DMTF1: variants seen among roughly 807,000 people sequenced by gnomAD.
DMTF1 encodes cyclin-D-binding Myb-like transcription factor 1.
A neutral mutation model predicts 91.1 loss-of-function variants in DMTF1; 39 were observed. That is an observed-to-expected ratio of 0.43 (90% CI 0.33 to 0.56). The LOEUF (loss-of-function observed/expected upper bound fraction) is 0.56. Ranked by LOEUF, DMTF1 falls within the 20% of genes least tolerant of loss-of-function variation. The pLI is 0.05. For missense variants in DMTF1, 750 were observed against 914.5 expected, an observed-to-expected ratio of 0.82 and a Z score of 2.32; for synonymous variants, 338 against 309.5, an observed-to-expected ratio of 1.09 and a Z score of -0.97.
In DMTF1 at chr7:87,158,102, A is replaced by C. The variant is rs549241212; in HGVS notation, c.-131-5393A>C. Among the ~76,000 whole-genome samples, 790 of 152,202 alleles carry C rather than the reference A, an allele frequency of 5.2e-3. 4 individuals are homozygous for C. The highest frequency in any genetic ancestry group is 0.018 in the African/African-American group (766 of 41,560). ...CAACTTTTGTGGCCCAGAAGTATATACAAATTTTGAAGTTTGGCAGAAGGT... is the reference window on the plus strand; with the variant it reads ...CAACTTTTGTGGCCCAGAAGTATATCCAAATTTTGAAGTTTGGCAGAAGGT... On this transcript the variant is annotated intron_variant, in intron 1 of 17. Coordinates refer to ENST00000331242, the MANE Select transcript of DMTF1 (RefSeq NM_001142327.2).
At chr7:87,174,226 C>A (rs1795739948) in intron 6 of DMTF1, among the ~76,000 whole-genome samples, 1 of 152,116 alleles carries the variant, frequency 6.6e-6, no homozygotes, top group Admixed American at 6.5e-5. Flanking sequence ...TGTATGTGTT[C>A]TTTTTGCCCA....
intron 12 of DMTF1, chr7:87,187,716 A>G (rs896021243): frequency 1.3e-4 from 30 of 230,972 alleles, no homozygotes; most frequent in South Asian, 3.0e-4. Context: ...CGGGGAAAAC[A>G]TACACTATTC....
chr7:87,172,276 TA>T (rs1795245220), intron 5 of DMTF1, among the ~76,000 whole-genome samples: 2 of 152,180 alleles, frequency 1.3e-5, no homozygotes, highest in African/African-American at 4.8e-5. Context: ...CCTCTTGATT[TA>T]AAAAATCAAA....
At chr7:87,172,621 C>G (rs756255431) in intron 5 of DMTF1, among the ~76,000 whole-genome samples, 1 of 107,264 alleles carries the variant, frequency 9.3e-6, no homozygotes, top group Non-Finnish European at 2.0e-5. Flanking sequence ...TACCTTCAGC[C>G]GGTGACATTG....
At chr7:87,156,223 A>G (rs1159480548) in intron 1 of DMTF1, among the ~76,000 whole-genome samples, 1 of 152,210 alleles carries the variant, frequency 6.6e-6, no homozygotes, top group Admixed American at 6.5e-5. Flanking sequence ...TTTTTGAATA[A>G]GCAATATAGT....
In DMTF1 at chr7:87,160,607, C is replaced by T. The variant is rs571308086; in HGVS notation, c.-131-2888C>T. ...TTTCTTTTCTTCCCTACTTCTAATT[C>T]TGTACATACTTCAGTAAGGCTTCTG... On this transcript the variant is annotated intron_variant, in intron 1 of 17. Transcript: ENST00000331242. Among the ~76,000 whole-genome samples, 43 of 152,228 alleles carry T rather than the reference C, an allele frequency of 2.8e-4. No homozygotes were observed. The South Asian group carries it at 6.6e-3, about 23-fold the overall frequency.
chr7:87,157,077 A>G (rs1030440672), intron 1 of DMTF1, among the ~76,000 whole-genome samples: 2 of 149,822 alleles, frequency 1.3e-5, no homozygotes, highest in African/African-American at 2.5e-5. Flanking sequence ...CAAATCACAT[A>G]GAAAGAACAT....
At chr7:87,193,112 T>A (rs1015486214) in intron 14 of DMTF1, 86 bp from the exon 15 acceptor site, 17 of 1,419,248 alleles carry the variant, frequency 1.2e-5, no homozygotes, top group Non-Finnish European at 1.7e-5. Flanking sequence ...GTAAGTACAT[T>A]TGTGTCTAGT....
At chr7:87,161,061 T>G (rs1792231708) in intron 1 of DMTF1, among the ~76,000 whole-genome samples, 1 of 152,074 alleles carries the variant, frequency 6.6e-6, no homozygotes, top group Non-Finnish European at 1.5e-5. Context: ...ATACTAATAT[T>G]AATAAAAATA....
At chr7:87,162,529 G>C (rs1170836756) in intron 1 of DMTF1, among the ~76,000 whole-genome samples, 1 of 152,118 alleles carries the variant, frequency 6.6e-6, no homozygotes, top group African/African-American at 2.4e-5. Flanking sequence ...CAAAGAGTAT[G>C]AAAAATCGTT....
chr7:87,158,396 A>G (rs1791352003), intron 1 of DMTF1, among the ~76,000 whole-genome samples: 1 of 152,074 alleles, frequency 6.6e-6, no homozygotes, highest in African/African-American at 2.4e-5. Context: ...TTTAAATGGC[A>G]TCTAACAAAA....
At chr7:87,189,185 C>G (rs1351527124) in intron 13 of DMTF1, among the ~76,000 whole-genome samples, 1 of 152,088 alleles carries the variant, frequency 6.6e-6, no homozygotes, top group East Asian at 1.9e-4. Flanking sequence ...TGCATGTTTC[C>G]AAATATACCA....
chr7:87,164,235 A>T (rs989413149), intron 2 of DMTF1: 2 of 152,152 alleles, frequency 1.3e-5, no homozygotes, highest in Admixed American at 1.3e-4. Context: ...TTATAGTTTC[A>T]TACCTTTCCC....
rs1793827457 is a variant in DMTF1, at chr7:87,166,376, T to G, written c.110-107T>G. ...ACTAGGTTTAGTTAAATGAGCAAAT[T>G]GGTAAGAAAATTTTTTTAATAGATA... On this transcript the variant is annotated intron_variant, in intron 3 of 17. Transcript: ENST00000331242. The G allele has an allele frequency of 6.0e-6, 7 of 1,175,836 alleles. No homozygotes were observed. In the South Asian group the frequency reaches 1.1e-4, roughly 18 times the overall value. The allele number at this position is 1,175,836 out of a possible 1,614,324, so 72.8% of individuals were successfully genotyped here. A position where few individuals can be genotyped will look rare whatever the true frequency, so the allele number is the denominator to read the frequency against.
At chr7:87,184,848 A>G in intron 11 of DMTF1, 1 of 645,094 alleles carries the variant, frequency 1.6e-6, no homozygotes, top group Non-Finnish European at 2.9e-6. Context: ...AAAGTACCAG[A>G]TTGAAGGCGT....
In DMTF1 at chr7:87,164,931, C is replaced by G. The variant is rs1296952627; in HGVS notation, c.-8-3C>G. ...TCCTGATCTGGAATCTGTTCTTGTACAGATTTGAGTATGAGCACAGTGGAA... is the reference window on the plus strand; with the variant it reads ...TCCTGATCTGGAATCTGTTCTTGTAGAGATTTGAGTATGAGCACAGTGGAA... On this transcript the variant is annotated splice_polypyrimidine_tract_variant and splice_region_variant and intron_variant, in intron 2 of 17. Coordinates refer to ENST00000331242, the MANE Select transcript of DMTF1 (RefSeq NM_001142327.2). The G allele has an allele frequency of 6.4e-7, 1 of 1,573,484 alleles. No individual in the cohort carries two copies. The highest frequency in any genetic ancestry group is 8.7e-7 in the Non-Finnish European group (1 of 1,153,066).
chr7:87,177,780 G>A (rs1003882194), intron 7 of DMTF1, among the ~76,000 whole-genome samples: 2 of 152,118 alleles, frequency 1.3e-5, no homozygotes, highest in African/African-American at 4.8e-5. Context: ...CTCTTTCTGT[G>A]TAGATGTCTA....
intron 7 of DMTF1, among the ~76,000 whole-genome samples, chr7:87,174,940 T>C (rs531967430): frequency 5.7e-4 from 87 of 152,284 alleles, no homozygotes; most frequent in African/African-American, 1.9e-3. Context: ...TTTAAAGCCT[T>C]ATCTTTTCAA....
At chr7:87,177,034 C>T (rs1796401443) in intron 7 of DMTF1, among the ~76,000 whole-genome samples, 1 of 151,942 alleles carries the variant, frequency 6.6e-6, no homozygotes, top group Admixed American at 6.6e-5. Context: ...TAATCATTGG[C>T]AAAATTGGAA....
Sources: allele counts gnomAD v4.1 joint callset (sites outside exome capture counted in the v4.1 genomes callset), GRCh38; gene constraint gnomAD v4.1.1; transcripts MANE v1.5; gene names NCBI Gene and HGNC (gene_info 2026-07-23, HGNC 2026-07-21).